Variants in SERINC5 observed in about 807,000 individuals in gnomAD.
The protein encoded by SERINC5 is serine incorporator 5.
Under a neutral mutation model 63.1 loss-of-function variants are expected in SERINC5, and 41 were observed. That is an observed-to-expected ratio of 0.65 (90% confidence interval 0.51 to 0.84). The LOEUF (loss-of-function observed/expected upper bound fraction) is 0.84. SERINC5 is among the 40% of genes least tolerant of loss of function. The probability of loss-of-function intolerance (pLI) is 0.00; values close to 1 mark genes in which losing one functional copy is unlikely to be tolerated. For missense variants in SERINC5, 523 were observed against 573.0 expected (o/e 0.91, Z 0.89); for synonymous variants, 222 against 215.2 (o/e 1.03, Z -0.28).
At chr5:80,233,538 T>C (rs1356499082) in intron 1 of SERINC5, among the ~76,000 whole-genome samples, 1 of 152,202 alleles carries the variant, frequency 6.6e-6, no homozygotes, top group African/African-American at 2.4e-5. Context: ...TCTCTGCTCA[T>C]TAGAGAAGTG....
intron 1 of SERINC5, among the ~76,000 whole-genome samples, chr5:80,211,278 T>G (rs1387575003): frequency 6.6e-6 from 1 of 152,134 alleles, no homozygotes; most frequent in African/African-American, 2.4e-5. Flanking sequence ...ACAAAATCCC[T>G]TACCAGCAGG....
intron 1 of SERINC5, among the ~76,000 whole-genome samples, chr5:80,253,205 C>T (rs73774235): frequency 0.021 from 3,271 of 152,266 alleles, 119 homozygotes; most frequent in African/African-American, 0.075. Context: ...AATGATGTCC[C>T]ACTGTACTCA....
chr5:80,182,904 T>C (rs1748546276), intron 2 of SERINC5, among the ~76,000 whole-genome samples: 1 of 152,140 alleles, frequency 6.6e-6, no homozygotes, highest in African/African-American at 2.4e-5. Flanking sequence ...TCAATTTAAT[T>C]TGCTTCCAGA....
At chr5:80,210,787 G>C (rs908556355) in intron 1 of SERINC5, among the ~76,000 whole-genome samples, 1 of 152,190 alleles carries the variant, frequency 6.6e-6, no homozygotes, top group Non-Finnish European at 1.5e-5. Context: ...CAACTCTAGC[G>C]AAGTGACCTG....
chr5:80,120,031 T>C (rs571225229), intron 11 of SERINC5, among the ~76,000 whole-genome samples: 1 of 152,294 alleles, frequency 6.6e-6, no homozygotes, highest in East Asian at 1.9e-4. Context: ...TTGGGCAAGT[T>C]ACTTCATTTT....
chr5:80,222,459 T>C (rs13355369), intron 1 of SERINC5, among the ~76,000 whole-genome samples: 91,018 of 151,842 alleles, frequency 0.6, 27,557 homozygotes, highest in African/African-American at 0.67. Context: ...GAGATTTACT[T>C]CATAATAACA....
chr5:80,208,935 C>T (rs1413287539), intron 1 of SERINC5, among the ~76,000 whole-genome samples: 1 of 152,142 alleles, frequency 6.6e-6, no homozygotes, highest in African/African-American at 2.4e-5. Flanking sequence ...ACCCTAGTAC[C>T]TCAGAAAGTG....
chr5:80,154,213 C>G (rs2112331333), intron 8 of SERINC5, among the ~76,000 whole-genome samples: 1 of 151,876 alleles, frequency 6.6e-6, no homozygotes, highest in African/African-American at 2.4e-5. Flanking sequence ...GAGTTTCACT[C>G]TTTTTGCCCA....
intron 11 of SERINC5, 102 bp downstream of exon 11, chr5:80,145,988 C>A: frequency 1.6e-6 from 2 of 1,284,944 alleles, no homozygotes; most frequent in Non-Finnish European, 2.2e-6. Flanking sequence ...CCAGCCTGGG[C>A]AACAGAGTGA....
intron 4 of SERINC5, among the ~76,000 whole-genome samples, chr5:80,177,056 A>G (rs1218114001): frequency 6.6e-6 from 1 of 152,124 alleles, no homozygotes; most frequent in Non-Finnish European, 1.5e-5. Flanking sequence ...CAGTGCTTGG[A>G]AAGAACAAGG....
chr5:80,114,372 G>A (rs113717854), intron 11 of SERINC5: 2,395 of 153,340 alleles, frequency 0.016, 18 homozygotes, highest in Non-Finnish European at 0.024. Context: ...ATCAGATCAC[G>A]GCTGGGTGCA....
At chr5:80,247,610 T>C (rs1752220831) in intron 1 of SERINC5, among the ~76,000 whole-genome samples, 1 of 152,152 alleles carries the variant, frequency 6.6e-6, no homozygotes, top group South Asian at 2.1e-4. Flanking sequence ...AGTGCAACCT[T>C]CACTCTCCAT....
intron 2 of SERINC5, chr5:80,198,800 A>C: frequency 1.4e-6 from 1 of 737,722 alleles, no homozygotes; most frequent in Non-Finnish European, 1.7e-6. Context: ...AAAGCTGGAA[A>C]AGGATTGGTT....
chr5:80,146,494 C>T (rs1187802137), intron 10 of SERINC5, among the ~76,000 whole-genome samples: 1 of 151,998 alleles, frequency 6.6e-6, no homozygotes, highest in Non-Finnish European at 1.5e-5. Context: ...CTCTTTTTGC[C>T]CCGGCTGGAG....
intron 1 of SERINC5, among the ~76,000 whole-genome samples, chr5:80,253,084 G>A (rs542503129): frequency 3.3e-5 from 5 of 152,108 alleles, no homozygotes; most frequent in African/African-American, 1.2e-4. Context: ...TCAGTAATGC[G>A]ATCATCATCT....
At chr5:80,152,116 T>C (rs1472285544) in intron 8 of SERINC5, among the ~76,000 whole-genome samples, 1 of 152,202 alleles carries the variant, frequency 6.6e-6, no homozygotes, top group Non-Finnish European at 1.5e-5. Flanking sequence ...CCCATGCCAC[T>C]CCACCTCCTG....
intron 1 of SERINC5, among the ~76,000 whole-genome samples, chr5:80,234,919 T>C (rs1169437263): frequency 1.3e-5 from 2 of 152,206 alleles, no homozygotes. Context: ...ACTTACTCTT[T>C]TTTTTTACTA....
chr5:80,205,940 C>G (rs1411718539), intron 1 of SERINC5, among the ~76,000 whole-genome samples: 1 of 68,434 alleles, frequency 1.5e-5, no homozygotes, highest in African/African-American at 5.8e-5. Flanking sequence ...CAAAACAAAA[C>G]AAAAAACAAA....
In SERINC5 at chr5:80,255,849, C is replaced by A. The variant is rs772547426; in HGVS notation, c.27+47G>T. 1.9e-6 allele frequency: 3 copies of A among 1,579,736 alleles called. No homozygotes were observed. The South Asian group carries it at 3.4e-5, about 18-fold the overall frequency. On this transcript the variant is annotated intron_variant, in intron 1 of 11. Transcript: ENST00000507668. ...GTCCTCCACGCCTGGACTCCTGGCC[C>A]GGTTCTCCGATCTGACAACCCCCGC...
Sources: gnomAD v4.1 joint callset for allele counts (sites outside exome capture counted in the v4.1 genomes callset) on GRCh38, gnomAD v4.1.1 for gene constraint, MANE v1.5 for transcripts, NCBI Gene and HGNC (gene_info 2026-07-23, HGNC 2026-07-21) for gene names.